The following ILF2 variants were observed in gnomAD, a reference collection of about 807,000 sequenced individuals.
ILF2 encodes interleukin enhancer-binding factor 2.
A neutral mutation model predicts 55.3 loss-of-function variants in ILF2; 9 were observed. The ratio of observed to expected loss-of-function variants is 0.16; its 90% CI spans 0.10 to 0.28. The LOEUF (loss-of-function observed/expected upper bound fraction) is 0.28, where lower values mean the gene tolerates loss of function less well. ILF2 is among the 10% of genes least tolerant of loss of function. The pLI, the probability that ILF2 is intolerant of heterozygous loss-of-function variation, is 1.00. For synonymous variants in ILF2, 151 were observed against 161.8 expected, an observed-to-expected ratio of 0.93 and a Z score of 0.50; for missense variants, 266 against 474.9, an observed-to-expected ratio of 0.56 and a Z score of 4.09.
intron 6 of ILF2, chr1:153,667,230 C>G (rs781027858): frequency 2.3e-6 from 1 of 434,518 alleles, no homozygotes; most frequent in African/African-American, 2.0e-5. Context: ...GTAATCCCAG[C>G]ACTTTGGGAG....
rs1427386142 is a variant in ILF2 at position 153,663,987 on chromosome 1, TAC to T, written c.744+54_744+55del. The stretch of plus-strand genomic sequence containing the variant: ...CTACTACTACTACTACTACTACTAC[TAC>T]TACTACTAGTAAATAAGGATGATGA... On this transcript the variant is annotated intron_variant, in intron 10 of 13. Transcript: ENST00000361891. The T allele has an allele frequency of 4.7e-5, 42 of 886,758 alleles. 1 individual carries two copies. The highest frequency in any genetic ancestry group is 7.4e-5 in the Non-Finnish European group (40 of 540,650). 54.9% of individuals were successfully genotyped at this position (886,758 alleles called of 1,614,324 possible).
In ILF2 at chr1:153,662,807, C is replaced by T. The variant is rs776207391; in HGVS notation, c.922-12G>A. On this transcript the variant is annotated splice_polypyrimidine_tract_variant and intron_variant, in intron 12 of 13. Transcript: ENST00000361891. Reference sequence around the variant, plus strand: ...TAGCAGACCATGTCCTGAAGGAAAGCAAAGTGAGAGTAAGCAAGGAAAATC... The same window carrying T: ...TAGCAGACCATGTCCTGAAGGAAAGTAAAGTGAGAGTAAGCAAGGAAAATC... The T allele has an allele frequency of 1.2e-6, 2 of 1,610,010 alleles. No individual in the cohort carries two copies. The highest frequency in any genetic ancestry group is 4.5e-5 in the East Asian group (2 of 44,850).
chr1:153,663,300 G>T, intron 10 of ILF2, 24 bp from the exon 11 acceptor site: 2 of 1,609,642 alleles, frequency 1.2e-6, no homozygotes. Flanking sequence ...AATCCAGTAG[G>T]TGTGCCATCA....
chr1:153,667,396 T>C, intron 6 of ILF2, 159 bp downstream of exon 6: 10 of 657,984 alleles, frequency 1.5e-5, no homozygotes, highest in Non-Finnish European at 2.2e-5. Flanking sequence ...GAAGATCACT[T>C]GCTGTAGTGG....
Position 153,662,290 on chromosome 1 carries a change from CTA to C in ILF2, c.*104_*105del, listed in dbSNP as rs1669189332. On this transcript the variant is annotated 3_prime_UTR_variant, in exon 14 of 14. Transcript: ENST00000361891. ...TCTATGGAGTTTACTTTTCTTCCTG[CTA>C]TCTTCCCTATCCCACGGAAATGTCT... The C allele has an allele frequency of 1.1e-5, 16 of 1,402,386 alleles. No individual in the cohort carries two copies. In the South Asian group the frequency reaches 2.1e-4, roughly 19 times the overall value. The allele number at this position is 1,402,386 out of a possible 1,614,324, so 86.9% of individuals were successfully genotyped here.
At chr1:153,664,285 A>G (rs1027594283) in intron 9 of ILF2, 111 bp downstream of exon 9, 1 of 1,082,624 alleles carries the variant, frequency 9.2e-7, no homozygotes, top group Non-Finnish European at 1.4e-6. Context: ...ATAAAAATCC[A>G]GACACGAGGT....
In ILF2 at chr1:153,663,003, A is replaced by T. The variant is rs376088897; in HGVS notation, c.921+16T>A. 23 of 1,594,828 alleles carry T rather than the reference A, an allele frequency of 1.4e-5. No homozygotes were observed. The highest frequency in any genetic ancestry group is 2.0e-5 in the Non-Finnish European group (23 of 1,162,740). On this transcript the variant is annotated intron_variant, in intron 12 of 13. Coordinates refer to ENST00000361891, the MANE Select transcript of ILF2 (RefSeq NM_004515.4). ...AGAGTGGGGCAAAACAACTCAGTTCATATCTGTCCCAATACCTGCTGTTCT... is the reference window on the plus strand; with the variant it reads ...AGAGTGGGGCAAAACAACTCAGTTCTTATCTGTCCCAATACCTGCTGTTCT...
rs146352549 is a variant in ILF2, at chr1:153,669,721, C to T, written c.108+115G>A. The T allele has an allele frequency of 8.0e-4, 696 of 869,304 alleles. 7 individuals are homozygous for T. The East Asian group carries it at 0.011, about 14-fold the overall frequency. 53.8% of individuals were successfully genotyped at this position (869,304 alleles called of 1,614,324 possible). A position where few individuals can be genotyped will look rare whatever the true frequency, so the allele number is the denominator to read the frequency against. Reference sequence around the variant, plus strand: ...CCTCCCAAAGTGCTGAGATTACAGGCGTGAGGCACTGTGTCTGCCCTCTTC... The same window carrying T: ...CCTCCCAAAGTGCTGAGATTACAGGTGTGAGGCACTGTGTCTGCCCTCTTC... On this transcript the variant is annotated intron_variant, in intron 3 of 13. Coordinates refer to ENST00000361891, the MANE Select transcript of ILF2 (RefSeq NM_004515.4).
chr1:153,669,918 A>T, intron 2 of ILF2, 40 bp from the exon 3 acceptor site: 1 of 1,542,644 alleles, frequency 6.5e-7, no homozygotes, highest in Non-Finnish European at 9.0e-7. Flanking sequence ...CCTAGGTAGG[A>T]ATCAAGCGAG....
chr1:153,670,883 T>C, intron 1 of ILF2, 35 bp downstream of exon 1: 1 of 1,613,764 alleles, frequency 6.2e-7, no homozygotes, highest in Non-Finnish European at 8.5e-7. Flanking sequence ...TTCCGTCGAA[T>C]ACCTGAAACC....
At chr1:153,665,792 T>G in intron 6 of ILF2, 64 bp from the exon 7 acceptor site, 16 of 1,235,740 alleles carry the variant, frequency 1.3e-5, no homozygotes, top group African/African-American at 3.0e-5. Context: ...TATGTATCTC[T>G]AAGCTACTTT....
Position 153,667,489 on chromosome 1 carries a change from A to C in ILF2, c.394+66T>G, listed in dbSNP as rs1669341853. On this transcript the variant is annotated intron_variant, in intron 6 of 13. Coordinates refer to ENST00000361891, the MANE Select transcript of ILF2 (RefSeq NM_004515.4). The stretch of plus-strand genomic sequence containing the variant: ...GGGAGAATTTGTCTCAAAACAAAAA[A>C]AGATACCTAAACCCCTAATCCAAGT... The C allele has an allele frequency of 3.5e-6, 4 of 1,145,876 alleles. No individual in the cohort carries two copies. The East Asian group carries it at 9.4e-5, about 27-fold the overall frequency. The allele number at this position is 1,145,876 out of a possible 1,614,324, so 71.0% of individuals were successfully genotyped here.
In ILF2 at chr1:153,662,059, T is replaced by C; in HGVS notation, c.*337A>G. 1 of 194,592 alleles carries C rather than the reference T, an allele frequency of 5.1e-6. No individual in the cohort carries two copies. Among genetic ancestry groups the C allele is most frequent in the South Asian group, 1.3e-4 (1 of 7,556 alleles). The allele number at this position is 194,592 out of a possible 1,614,324, so 12.1% of individuals were successfully genotyped here. On this transcript the variant is annotated 3_prime_UTR_variant, in exon 14 of 14. Coordinates refer to ENST00000361891, the MANE Select transcript of ILF2 (RefSeq NM_004515.4). ...GCCCTACTAGGAAGTACTTTAATAGTTTTTCTTAGAAAAAAAAATTTCCAG... is the reference window on the plus strand; with the variant it reads ...GCCCTACTAGGAAGTACTTTAATAGCTTTTCTTAGAAAAAAAAATTTCCAG...
intron 5 of ILF2, 95 bp downstream of exon 5, chr1:153,667,905 G>T: frequency 1.1e-6 from 1 of 901,628 alleles, no homozygotes; most frequent in Non-Finnish European, 1.8e-6. Flanking sequence ...CTTGGCTTTG[G>T]ATAATAGACA....
chr1:153,669,804 GA>G, intron 3 of ILF2, 31 bp downstream of exon 3: 1 of 1,570,430 alleles, frequency 6.4e-7, no homozygotes, highest in Non-Finnish European at 8.8e-7. Context: ...ACAGTGACCA[GA>G]AAATGTGTAT....
chr1:153,668,379 T>C, intron 4 of ILF2, 74 bp downstream of exon 4: 1 of 1,558,506 alleles, frequency 6.4e-7, no homozygotes, highest in Non-Finnish European at 8.8e-7. Flanking sequence ...TTCTTAACCT[T>C]ACCAACAGTT....
At chr1:153,669,993 G>C (rs1162652136) in intron 2 of ILF2, 115 bp from the exon 3 acceptor site, 1 of 1,115,556 alleles carries the variant, frequency 9.0e-7, no homozygotes, top group Non-Finnish European at 1.4e-6. Flanking sequence ...CAAAGTCTCC[G>C]GGGAGGGAAA....
chr1:153,667,911 A>G (rs1053304249), intron 5 of ILF2, 89 bp downstream of exon 5: 24 of 939,610 alleles, frequency 2.6e-5, no homozygotes, highest in Middle Eastern at 4.4e-4. Context: ...TTTGGATAAT[A>G]GACAACTGAA....
chr1:153,664,017 A>G, intron 10 of ILF2, 26 bp downstream of exon 10: 1 of 1,334,552 alleles, frequency 7.5e-7, no homozygotes, highest in Non-Finnish European at 1.1e-6. Flanking sequence ...GATGATGAGG[A>G]ACTCCAATTG....
Sources: allele counts gnomAD v4.1 joint callset, GRCh38; gene constraint gnomAD v4.1.1; transcripts MANE v1.5; gene names NCBI Gene and HGNC (gene_info 2026-07-23, HGNC 2026-07-21).